CCDC171: variants seen among roughly 807,000 people sequenced by gnomAD.
CCDC171 encodes the protein coiled-coil domain containing 171, also known as coiled-coil domain-containing protein 171.
A neutral mutation model predicts 168.2 loss-of-function variants in CCDC171; 177 were observed. The ratio of observed to expected loss-of-function variants is 1.05; its 90% CI spans 0.93 to 1.19. The LOEUF (loss-of-function observed/expected upper bound fraction) is 1.19, where lower values mean the gene tolerates loss of function less well. Ranked by LOEUF, CCDC171 falls within the 50% of genes most tolerant of loss-of-function variation. CCDC171 has a pLI of 0.00. For missense variants in CCDC171, 1,991 were observed against 1,539.0 expected (o/e 1.29, Z -4.91); for synonymous variants, 687 against 540.8 (o/e 1.27, Z -3.75).
At chr9:15,995,240 A>G (rs59572385) in intron 3 of CCDC171, among the ~76,000 whole-genome samples, 12,667 of 152,260 alleles carry the variant, frequency 0.083, 1,745 homozygotes, top group African/African-American at 0.29. Flanking sequence ...TAACAGGATT[A>G]ATGAGAATTT....
intron 4 of CCDC171, among the ~76,000 whole-genome samples, chr9:15,585,602 C>G (rs887286056): frequency 3.9e-5 from 6 of 152,086 alleles, no homozygotes; most frequent in African/African-American, 1.4e-4. Context: ...GTGGATTTGA[C>G]TGGGAAAGAG....
chr9:15,793,438 A>G (rs1199046732), intron 21 of CCDC171, among the ~76,000 whole-genome samples: 3 of 152,110 alleles, frequency 2.0e-5, no homozygotes, highest in Non-Finnish European at 4.4e-5. Flanking sequence ...AAGGATATCC[A>G]GGAATTGAAC....
chr9:16,002,135 AT>A (rs76881347), intron 3 of CCDC171, among the ~76,000 whole-genome samples: 39,182 of 102,510 alleles, frequency 0.38, 5,782 homozygotes, highest in Non-Finnish European at 0.43. Flanking sequence ...GCCTACTATC[AT>A]TTTTTTTTTT....
At chr9:16,108,577 A>G in the CCDC171 span, among the ~76,000 whole-genome samples, 1 of 152,156 alleles carries the variant, frequency 6.6e-6, no homozygotes, top group Non-Finnish European at 1.5e-5. Flanking sequence ...TTAGAATAGG[A>G]TTTCAGGGAC....
At chr9:15,908,223 C>G (rs1224580585) in intron 24 of CCDC171, among the ~76,000 whole-genome samples, 1 of 152,136 alleles carries the variant, frequency 6.6e-6, no homozygotes, top group East Asian at 1.9e-4. Flanking sequence ...TATTGTGGCA[C>G]TATTCACGAT....
chr9:15,579,026 A>T lies in CCDC171; in HGVS notation c.352+3A>T, dbSNP rs1281665021. The T allele has an allele frequency of 1.2e-6, 2 of 1,612,018 alleles. No individual in the cohort carries two copies. The highest frequency in any genetic ancestry group is 2.2e-5 in the South Asian group (2 of 90,920). On this transcript the variant is annotated splice_donor_region_variant and intron_variant, in intron 4 of 25. Coordinates refer to ENST00000380701, the MANE Select transcript of CCDC171 (RefSeq NM_173550.4). ...TAGGATCCAAGAAAAACTCTGTGGT[A>T]AGACTGTTTCTATTTCTTCCCAAGT...
chr9:15,580,803 C>T (rs927262137), intron 4 of CCDC171, among the ~76,000 whole-genome samples: 3 of 152,104 alleles, frequency 2.0e-5, no homozygotes, highest in Non-Finnish European at 2.9e-5. Flanking sequence ...AGTACAATCA[C>T]TATGGACAAT....
intron 5 of CCDC171, among the ~76,000 whole-genome samples, chr9:15,593,251 C>T (rs953807610): frequency 1.3e-5 from 2 of 152,122 alleles, no homozygotes; most frequent in Admixed American, 6.6e-5. Context: ...CTTTCTCTCG[C>T]ATGTAAACTA....
At chr9:15,999,903 G>A (rs1400381023) in intron 3 of CCDC171, among the ~76,000 whole-genome samples, 2 of 151,954 alleles carry the variant, frequency 1.3e-5, no homozygotes, top group African/African-American at 4.8e-5. Context: ...TCTTTTCTCA[G>A]GAGCACACTA....
At chr9:16,019,074 C>T (rs185921718) in intron 3 of CCDC171, among the ~76,000 whole-genome samples, 1 of 152,282 alleles carries the variant, frequency 6.6e-6, no homozygotes, top group Admixed American at 6.5e-5. Context: ...AAAGGCAAAA[C>T]ATTAACAGTT....
chr9:15,678,677 C>A, intron 9 of CCDC171, 81 bp from the exon 10 acceptor site: 1 of 1,115,792 alleles, frequency 9.0e-7, no homozygotes, highest in Non-Finnish European at 1.3e-6. Context: ...TGTAGTACAT[C>A]TGCCATATGT....
chr9:16,013,103 T>C (rs1364268996), intron 3 of CCDC171, among the ~76,000 whole-genome samples: 5 of 152,198 alleles, frequency 3.3e-5, no homozygotes, highest in African/African-American at 1.2e-4. Flanking sequence ...CACAAACCTC[T>C]TTGCCTCCTT....
chr9:15,936,079 T>G (rs1731283019), intron 25 of CCDC171, among the ~76,000 whole-genome samples: 2 of 152,078 alleles, frequency 1.3e-5, no homozygotes, highest in African/African-American at 2.4e-5. Flanking sequence ...CATCATTTTA[T>G]GAATAGGTAC....
the CCDC171 span, among the ~76,000 whole-genome samples, chr9:16,101,327 T>C: frequency 6.6e-6 from 1 of 152,196 alleles, no homozygotes; most frequent in Non-Finnish European, 1.5e-5. Flanking sequence ...TGAGAAATAA[T>C]TAAAATGTAT....
intron 3 of CCDC171, among the ~76,000 whole-genome samples, chr9:15,993,700 C>T (rs974472796): frequency 1.3e-5 from 2 of 152,218 alleles, no homozygotes; most frequent in Non-Finnish European, 2.9e-5. Context: ...ACTCATCTGA[C>T]AAAGGGCTAA....
chr9:15,711,941 G>A (rs2052699300), intron 11 of CCDC171, among the ~76,000 whole-genome samples: 1 of 152,188 alleles, frequency 6.6e-6, no homozygotes, highest in Non-Finnish European at 1.5e-5. Flanking sequence ...TCTCTGGCGA[G>A]GTGGTCCACA....
intron 3 of CCDC171, among the ~76,000 whole-genome samples, chr9:15,986,760 A>G (rs889335203): frequency 3.9e-5 from 6 of 152,190 alleles, no homozygotes; most frequent in Admixed American, 3.9e-4. Context: ...TCTGTTGTTT[A>G]TGTCATTTGT....
chr9:15,573,494 C>A (rs978986391), intron 3 of CCDC171, among the ~76,000 whole-genome samples: 2 of 152,038 alleles, frequency 1.3e-5, no homozygotes, highest in Admixed American at 6.5e-5. Flanking sequence ...GTTGGCTAGG[C>A]TGGTCTTGAA....
At chr9:16,102,403 A>T in the CCDC171 span, among the ~76,000 whole-genome samples, 1 of 151,130 alleles carries the variant, frequency 6.6e-6, no homozygotes, top group East Asian at 2.0e-4. Flanking sequence ...CTGGCTCGCT[A>T]AGTAAACAGG....
Sources: allele counts gnomAD v4.1 joint callset (sites outside exome capture counted in the v4.1 genomes callset), GRCh38; gene constraint gnomAD v4.1.1; transcripts MANE v1.5; gene names NCBI Gene and HGNC (gene_info 2026-07-23, HGNC 2026-07-21).